Variants in EXOC6B observed in about 807,000 individuals in gnomAD.
The protein encoded by EXOC6B is SEC15 homolog B.
A neutral mutation model predicts 113.5 loss-of-function variants in EXOC6B; 54 were observed. The observed-to-expected ratio is 0.48, with a 90% CI of 0.38 to 0.60. The LOEUF is 0.60. Ranked by LOEUF, EXOC6B falls within the 20% of genes least tolerant of loss-of-function variation. EXOC6B has a pLI of 0.00. For missense variants in EXOC6B, 797 were observed against 977.5 expected (o/e 0.82, Z 2.46); for synonymous variants, 357 against 339.0 (o/e 1.05, Z -0.58).
intron 6 of EXOC6B, among the ~76,000 whole-genome samples, chr2:72,677,032 A>C (rs553655522): frequency 6.6e-6 from 1 of 152,304 alleles, no homozygotes; most frequent in East Asian, 1.9e-4. Context: ...AAGAAGAAAA[A>C]CACAAATGAC....
At chr2:72,500,305 G>A (rs1017035646) in intron 11 of EXOC6B, among the ~76,000 whole-genome samples, 1 of 152,076 alleles carries the variant, frequency 6.6e-6, no homozygotes, top group Admixed American at 6.5e-5. Context: ...AAAAACTATG[G>A]TATGTGGCTA....
chr2:72,270,584 C>A (rs2104625144), intron 20 of EXOC6B, among the ~76,000 whole-genome samples: 1 of 152,274 alleles, frequency 6.6e-6, no homozygotes, highest in Non-Finnish European at 1.5e-5. Context: ...CTATCCAGAA[C>A]ACATCATAAG....
chr2:72,291,971 A>G (rs1197494235), intron 20 of EXOC6B, among the ~76,000 whole-genome samples: 1 of 152,228 alleles, frequency 6.6e-6, no homozygotes, highest in African/African-American at 2.4e-5. Flanking sequence ...AGATTTGAGA[A>G]TCACAATCAA....
At chr2:72,733,006 C>T (rs1680736063) in intron 3 of EXOC6B, 65 bp downstream of exon 3, 7 of 1,094,696 alleles carry the variant, frequency 6.4e-6, no homozygotes. Flanking sequence ...AAATGAATAA[C>T]ATAGTCATTA....
intron 20 of EXOC6B, among the ~76,000 whole-genome samples, chr2:72,238,166 T>C (rs1314873153): frequency 6.6e-6 from 1 of 152,242 alleles, no homozygotes; most frequent in South Asian, 2.1e-4. Flanking sequence ...TCATATAATA[T>C]GTGGCCTTTT....
At chr2:72,232,076 C>T (rs1441059244) in intron 20 of EXOC6B, among the ~76,000 whole-genome samples, 3 of 152,058 alleles carry the variant, frequency 2.0e-5, no homozygotes, top group Non-Finnish European at 4.4e-5. Flanking sequence ...CAGGTTCAAG[C>T]GATTCTCCTG....
At chr2:72,343,674 AT>A (rs904997420) in intron 19 of EXOC6B, among the ~76,000 whole-genome samples, 1 of 151,908 alleles carries the variant, frequency 6.6e-6, no homozygotes, top group Non-Finnish European at 1.5e-5. Flanking sequence ...TTGAAGGATA[AT>A]TTTTTTCAGA....
chr2:72,662,578 A>G (rs1675100978), intron 6 of EXOC6B, among the ~76,000 whole-genome samples: 1 of 152,230 alleles, frequency 6.6e-6, no homozygotes, highest in African/African-American at 2.4e-5. Flanking sequence ...ATCCTTAGCC[A>G]TTAAAGAAAT....
intron 20 of EXOC6B, among the ~76,000 whole-genome samples, chr2:72,229,628 T>A (rs1426522228): frequency 1.3e-5 from 2 of 152,184 alleles, no homozygotes; most frequent in African/African-American, 4.8e-5. Context: ...CAAATATCTA[T>A]TCAATTTTCA....
intron 6 of EXOC6B, among the ~76,000 whole-genome samples, chr2:72,650,329 C>T (rs539960855): frequency 1.3e-5 from 2 of 152,294 alleles, no homozygotes; most frequent in East Asian, 1.9e-4. Context: ...AGGCTGGGCA[C>T]GGTGGCTCAT....
At chr2:72,529,509 A>G (rs1351581017) in intron 8 of EXOC6B, among the ~76,000 whole-genome samples, 2 of 152,130 alleles carry the variant, frequency 1.3e-5, no homozygotes, top group Non-Finnish European at 2.9e-5. Flanking sequence ...TCCATTTCTG[A>G]TTTCTGTAAG....
intron 16 of EXOC6B, among the ~76,000 whole-genome samples, chr2:72,491,879 G>A (rs145813255): frequency 2.6e-5 from 4 of 152,174 alleles, no homozygotes; most frequent in African/African-American, 9.6e-5. Context: ...AATAAAGGCT[G>A]AGTCTGACAC....
intron 18 of EXOC6B, among the ~76,000 whole-genome samples, chr2:72,382,573 AATAGTTTGATAGGAGC>A (rs1691753346): frequency 6.6e-6 from 1 of 152,120 alleles, no homozygotes; most frequent in African/African-American, 2.4e-5. Context: ...GAATGTTATA[AATAGTTTGATAGGAGC>A]AGCATTGAAT....
chr2:72,550,912 TTTTTTTA>T (rs1232232546), intron 8 of EXOC6B, among the ~76,000 whole-genome samples: 2 of 148,906 alleles, frequency 1.3e-5, no homozygotes, highest in African/African-American at 5.1e-5. Context: ...CCATTTATTT[TTTTTTTA>T]TTTTTTTTTT....
intron 19 of EXOC6B, among the ~76,000 whole-genome samples, chr2:72,360,992 C>A (rs139916359): frequency 6.6e-6 from 1 of 151,382 alleles, no homozygotes; most frequent in African/African-American, 2.4e-5. Context: ...AAAATACTTT[C>A]CATTGCAACC....
At chr2:72,398,153 T>C (rs1267703036) in intron 18 of EXOC6B, among the ~76,000 whole-genome samples, 3 of 152,330 alleles carry the variant, frequency 2.0e-5, no homozygotes, top group African/African-American at 7.2e-5. Flanking sequence ...TCAAATTAAC[T>C]GAATGCCTGA....
At chr2:72,335,554 ACAC>A in intron 19 of EXOC6B, among the ~76,000 whole-genome samples, 1 of 55,160 alleles carries the variant, frequency 1.8e-5, no homozygotes, top group Non-Finnish European at 3.3e-5. Flanking sequence ...TATTGCACAC[ACAC>A]ACACACACAC....
chr2:72,482,099 C>T (rs1174108476), intron 16 of EXOC6B, among the ~76,000 whole-genome samples: 7 of 152,166 alleles, frequency 4.6e-5, no homozygotes, highest in African/African-American at 1.7e-4. Context: ...ATCTAAATAA[C>T]TCTGCCAGTG....
At chr2:72,602,755 G>C (rs1670507482) in intron 6 of EXOC6B, among the ~76,000 whole-genome samples, 1 of 152,172 alleles carries the variant, frequency 6.6e-6, no homozygotes, top group African/African-American at 2.4e-5. Flanking sequence ...CATAAAGAAA[G>C]ATGAGCCCCA....
Sources: allele counts gnomAD v4.1 joint callset (sites outside exome capture counted in the v4.1 genomes callset), GRCh38; gene constraint gnomAD v4.1.1; transcripts MANE v1.5; gene names NCBI Gene and HGNC (gene_info 2026-07-23, HGNC 2026-07-21).